The following ARB2A variants were observed in gnomAD, a reference collection of about 807,000 sequenced individuals.
ARB2A encodes the protein ARB2 cotranscriptional regulator A, also known as cotranscriptional regulator ARB2A.
chr5:93,907,619 G>A, the ARB2A span, among the ~76,000 whole-genome samples: 6 of 151,422 alleles, frequency 4.0e-5, no homozygotes, highest in African/African-American at 1.4e-4. Context: ...ATAAAATACT[G>A]TCATTTATAC....
the ARB2A span, among the ~76,000 whole-genome samples, chr5:94,096,215 T>A: frequency 6.6e-6 from 1 of 152,200 alleles, no homozygotes; most frequent in Non-Finnish European, 1.5e-5. Flanking sequence ...TAACCATCAA[T>A]CTTTTCACAT....
At chr5:93,822,959 TAAGCA>T in the ARB2A span, among the ~76,000 whole-genome samples, 5 of 152,154 alleles carry the variant, frequency 3.3e-5, no homozygotes, top group African/African-American at 1.2e-4. Context: ...ATCAAGTGGG[TAAGCA>T]ATAAGACATA....
At chr5:94,032,441 T>TA in the ARB2A span, among the ~76,000 whole-genome samples, 2 of 152,076 alleles carry the variant, frequency 1.3e-5, no homozygotes, top group Admixed American at 1.3e-4. Context: ...TATTGCAAAA[T>TA]AGACACCACG....
At chr5:93,787,895 G>A in the ARB2A span, among the ~76,000 whole-genome samples, 4 of 152,166 alleles carry the variant, frequency 2.6e-5, no homozygotes, top group East Asian at 5.8e-4. Flanking sequence ...AATAAATAAT[G>A]TCTAGGGTAA....
At chr5:93,879,597 GA>G in the ARB2A span, among the ~76,000 whole-genome samples, 5 of 151,334 alleles carry the variant, frequency 3.3e-5, no homozygotes, top group South Asian at 1.0e-3. Flanking sequence ...CTTGGTATAA[GA>G]AAAAATAGAT....
the ARB2A span, among the ~76,000 whole-genome samples, chr5:93,727,460 C>A: frequency 6.6e-6 from 1 of 152,008 alleles, no homozygotes; most frequent in African/African-American, 2.4e-5. Flanking sequence ...AGTTGAGTTA[C>A]AAATAACTCA....
At chr5:93,651,549 C>T in the ARB2A span, among the ~76,000 whole-genome samples, 2 of 152,236 alleles carry the variant, frequency 1.3e-5, no homozygotes, top group African/African-American at 4.8e-5. Flanking sequence ...ATCCACATTA[C>T]AAGACATGAC....
At chr5:93,961,286 T>C in the ARB2A span, among the ~76,000 whole-genome samples, 8 of 152,268 alleles carry the variant, frequency 5.3e-5, no homozygotes, top group East Asian at 1.5e-3. Flanking sequence ...TAGGTGCTGA[T>C]CACTGTCTCT....
the ARB2A span, among the ~76,000 whole-genome samples, chr5:93,855,526 G>A: frequency 2.6e-5 from 4 of 152,002 alleles, no homozygotes; most frequent in South Asian, 2.1e-4. Flanking sequence ...TATTTTGCTC[G>A]TTAGTTGATG....
chr5:93,850,124 C>T, the ARB2A span, among the ~76,000 whole-genome samples: 3 of 152,052 alleles, frequency 2.0e-5, no homozygotes, highest in Non-Finnish European at 4.4e-5. Context: ...CTTAAATTAA[C>T]CCTACAGTAA....
the ARB2A span, among the ~76,000 whole-genome samples, chr5:93,697,472 A>G: frequency 6.6e-6 from 1 of 152,182 alleles, no homozygotes; most frequent in Non-Finnish European, 1.5e-5. Context: ...CTCACCTCAT[A>G]TATGACACCA....
At chr5:93,827,344 C>T in the ARB2A span, among the ~76,000 whole-genome samples, 68 of 152,258 alleles carry the variant, frequency 4.5e-4, no homozygotes, top group African/African-American at 1.5e-3. Flanking sequence ...CTCTGATGGC[C>T]AGTGATGATG....
chr5:93,773,727 G>A, the ARB2A span, among the ~76,000 whole-genome samples: 4 of 152,242 alleles, frequency 2.6e-5, no homozygotes, highest in African/African-American at 7.2e-5. Flanking sequence ...GTGTCTCCCT[G>A]TGCTAATAAA....
At chr5:94,075,139 A>C in the ARB2A span, among the ~76,000 whole-genome samples, 1 of 152,124 alleles carries the variant, frequency 6.6e-6, no homozygotes. Flanking sequence ...GTAGTTCCAA[A>C]AACCTAAAAT....
chr5:93,964,355 T>A, the ARB2A span: 73 of 783,666 alleles, frequency 9.3e-5, 1 homozygote, highest in Middle Eastern at 2.0e-3. Flanking sequence ...TTTAAACTTA[T>A]CACAGTCAAC....
chr5:94,015,048 G>A, the ARB2A span, among the ~76,000 whole-genome samples: 4 of 152,086 alleles, frequency 2.6e-5, no homozygotes, highest in Admixed American at 6.6e-5. Flanking sequence ...ATGAAGGCCA[G>A]AGAGTACCAA....
At chr5:94,092,090 A>C in the ARB2A span, among the ~76,000 whole-genome samples, 1 of 151,302 alleles carries the variant, frequency 6.6e-6, no homozygotes, top group Non-Finnish European at 1.5e-5. Flanking sequence ...AGTGGCTCAC[A>C]CCTGTAATCC....
chr5:93,873,375 GAAAGGAAA>G, the ARB2A span, among the ~76,000 whole-genome samples: 20 of 14,376 alleles, frequency 1.4e-3, no homozygotes, highest in African/African-American at 4.1e-3. Flanking sequence ...GAAAGGAAAG[GAAAGGAAA>G]GGAAGGGGAA....
the ARB2A span, among the ~76,000 whole-genome samples, chr5:93,840,878 G>A: frequency 6.6e-6 from 1 of 152,106 alleles, no homozygotes; most frequent in Non-Finnish European, 1.5e-5. Flanking sequence ...TAAATCATAT[G>A]TATTAAAGAC....
Sources: allele counts gnomAD v4.1 joint callset (sites outside exome capture counted in the v4.1 genomes callset), GRCh38; gene constraint gnomAD v4.1.1; transcripts MANE v1.5; gene names NCBI Gene and HGNC (gene_info 2026-07-23, HGNC 2026-07-21).